The following NTM variants were observed in gnomAD, a reference collection of about 807,000 sequenced individuals.
NTM encodes neurotrimin, also known as IgLON family member 2.
A neutral mutation model predicts 42.1 loss-of-function variants in NTM; 13 were observed. The ratio of observed to expected loss-of-function variants is 0.31; its 90% CI spans 0.20 to 0.49. The LOEUF (loss-of-function observed/expected upper bound fraction) is 0.49. Ranked by LOEUF, NTM falls within the 20% of genes least tolerant of loss-of-function variation. The pLI is 0.99. For synonymous variants in NTM, 187 were observed against 179.2 expected (o/e 1.04, Z -0.35); for missense variants, 373 against 452.8 (o/e 0.82, Z 1.60).
At chr11:131,682,365 G>T (rs1387077112) in intron 1 of NTM, among the ~76,000 whole-genome samples, 1 of 152,212 alleles carries the variant, frequency 6.6e-6, no homozygotes, top group Non-Finnish European at 1.5e-5. Flanking sequence ...GCAGGCCACA[G>T]GGGGTGTTCT....
intron 5 of NTM, 126 bp downstream of exon 5, chr11:132,307,949 C>T: frequency 1.2e-6 from 1 of 805,222 alleles, no homozygotes; most frequent in Non-Finnish European, 1.9e-6. Flanking sequence ...GCACCACTTT[C>T]CACACTCTGC....
rs147018055 is a variant in NTM at position 132,163,898 on chromosome 11, T to G, written c.400+17384T>G. ...GTAAGCCCATGGTGTCTTTGTTTTT[T>G]TTTTTATTTTTACTCCTGGATGTTT... On this transcript the variant is annotated intron_variant, in intron 3 of 8. Transcript: ENST00000683400. Among the ~76,000 whole-genome samples, 582 of 152,302 alleles carry G rather than the reference T, an allele frequency of 3.8e-3. 4 individuals carry two copies. Among genetic ancestry groups the G allele is most frequent in the African/African-American group, 0.01 (433 of 41,570 alleles).
At chr11:131,828,976 C>A (rs1279926045) in intron 1 of NTM, among the ~76,000 whole-genome samples, 1 of 149,658 alleles carries the variant, frequency 6.7e-6, no homozygotes, top group East Asian at 1.9e-4. Flanking sequence ...ATCACTCTCC[C>A]TCTCTCTCTC....
Position 131,449,951 on chromosome 11 carries a change from G to A in NTM, c.82+79063G>A, listed in dbSNP as rs140076032. Reference sequence around the variant, plus strand: ...AGGCAATGTCCCCATGTTTACTCACGCACGCATTGGATTAGGAGACCTGGA... The same window carrying A: ...AGGCAATGTCCCCATGTTTACTCACACACGCATTGGATTAGGAGACCTGGA... On this transcript the variant is annotated intron_variant, in intron 1 of 8. Coordinates refer to ENST00000683400, the MANE Select transcript of NTM (RefSeq NM_001352005.2). Among the ~76,000 whole-genome samples, 53 of 152,228 alleles carry A rather than the reference G, an allele frequency of 3.5e-4. No homozygotes were observed. The East Asian group carries it at 7.7e-3, about 22-fold the overall frequency.
At chr11:131,992,992 TG>T (rs1339289990) in intron 2 of NTM, among the ~76,000 whole-genome samples, 6 of 152,186 alleles carry the variant, frequency 3.9e-5, no homozygotes, top group Non-Finnish European at 8.8e-5. Context: ...TCAGTACTTC[TG>T]GGGGTTTACC....
At chr11:132,203,841 G>A (rs1188497199) in intron 3 of NTM, among the ~76,000 whole-genome samples, 1 of 152,102 alleles carries the variant, frequency 6.6e-6, no homozygotes, top group African/African-American at 2.4e-5. Flanking sequence ...GGAGCTTGCA[G>A]TGAGCCTAGA....
chr11:131,541,736 T>A (rs1182192555), intron 1 of NTM, among the ~76,000 whole-genome samples: 3 of 152,226 alleles, frequency 2.0e-5, no homozygotes, highest in African/African-American at 7.2e-5. Context: ...ACAATAGCCA[T>A]CTAAGGAGTT....
Position 132,039,390 on chromosome 11 carries a change from GTC to G in NTM, c.168-106890_168-106889del, listed in dbSNP as rs1232789691. On this transcript the variant is annotated intron_variant, in intron 2 of 8. Coordinates refer to ENST00000683400, the MANE Select transcript of NTM (RefSeq NM_001352005.2). ...ATGTTTGTCAAAGATCTCAGCCTGA[GTC>G]TGTGCTAGGAAGGCCCCTCATAATT... is the stretch of plus-strand genomic sequence containing the variant. Among the ~76,000 whole-genome samples, 3 of 150,510 alleles carry G rather than the reference GTC, an allele frequency of 2.0e-5. No individual in the cohort carries two copies. In the South Asian group the frequency reaches 6.4e-4, roughly 32 times the overall value.
In NTM at chr11:131,690,788, T is replaced by G. The variant is rs143032512; in HGVS notation, c.83-220776T>G. Among the ~76,000 whole-genome samples the G allele has an allele frequency of 1.7e-3, 264 of 152,220 alleles. 4 individuals are homozygous for G. Among genetic ancestry groups the G allele is most frequent in the African/African-American group, 6.1e-3 (254 of 41,556 alleles). ...AATGGGAGGATTCCTCCTTACAGTTTGGGATCATGGAGCAGAGCCAGCCTG... is the reference window on the plus strand; with the variant it reads ...AATGGGAGGATTCCTCCTTACAGTTGGGGATCATGGAGCAGAGCCAGCCTG... On this transcript the variant is annotated intron_variant, in intron 1 of 8. Coordinates refer to ENST00000683400, the MANE Select transcript of NTM (RefSeq NM_001352005.2).
rs925554985 is a variant in NTM at position 132,146,405 on chromosome 11, G to GT, written c.292dup (p.Tyr98LeufsTer12). 6.2e-7 allele frequency: 1 copy of GT among 1,614,060 alleles called. No individual in the cohort carries two copies. The highest frequency in any genetic ancestry group is 8.5e-7 in the Non-Finnish European group (1 of 1,180,046). ...TCCTTCTGAGCAACACCCAAACGCA[G>GT]TACAGCATCGAGATCCAGAACGTGG... is the stretch of plus-strand genomic sequence containing the variant. On this transcript the variant is annotated frameshift_variant, in exon 3 of 9. Coordinates refer to ENST00000683400, the MANE Select transcript of NTM (RefSeq NM_001352005.2). LOFTEE classifies it high-confidence loss of function. The surrounding 1 kb of genome is among the most constrained non-coding windows in gnomAD (Gnocchi z 4.5).
At chr11:131,841,061 A>C (rs2044173054) in intron 1 of NTM, among the ~76,000 whole-genome samples, 2 of 152,246 alleles carry the variant, frequency 1.3e-5, no homozygotes, top group African/African-American at 4.8e-5. Flanking sequence ...TGGTCAGTTA[A>C]ATAGATTTAG....
At chr11:131,881,223 C>A (rs1439802678) in intron 1 of NTM, among the ~76,000 whole-genome samples, 1 of 152,146 alleles carries the variant, frequency 6.6e-6, no homozygotes, top group African/African-American at 2.4e-5. Context: ...CCCTCATTCA[C>A]ACGCGTTGAG....
intron 1 of NTM, chr11:131,534,184 A>G (rs2051755203): frequency 6.6e-6 from 1 of 152,244 alleles, no homozygotes; most frequent in Non-Finnish European, 1.5e-5. Context: ...TCCCTGAATA[A>G]TAAGTGAACT....
intron 1 of NTM, among the ~76,000 whole-genome samples, chr11:131,789,497 GAA>G (rs2090115385): frequency 2.9e-4 from 1 of 3,466 alleles, no homozygotes; most frequent in East Asian, 6.8e-3. Flanking sequence ...GAAGAGGAAA[GAA>G]GAAGAAGAAG....
At chr11:131,853,935 T>C (rs1158002934) in intron 1 of NTM, among the ~76,000 whole-genome samples, 1 of 152,248 alleles carries the variant, frequency 6.6e-6, no homozygotes, top group African/African-American at 2.4e-5. Context: ...TATACACTCC[T>C]ATTTTGAATA....
chr11:131,534,895 A>T (rs2051905662), intron 1 of NTM: 1 of 152,238 alleles, frequency 6.6e-6, no homozygotes, highest in Non-Finnish European at 1.5e-5. Context: ...TCCCTGCACA[A>T]TCATGCAGCA....
chr11:131,756,007 A>G (rs2083283230), intron 1 of NTM, among the ~76,000 whole-genome samples: 1 of 152,204 alleles, frequency 6.6e-6, no homozygotes, highest in South Asian at 2.1e-4. Flanking sequence ...TCTGGAAACA[A>G]TTTAAAATTG....
chr11:131,875,276 C>T (rs562719337), intron 1 of NTM, among the ~76,000 whole-genome samples: 2 of 152,330 alleles, frequency 1.3e-5, no homozygotes, highest in Non-Finnish European at 2.9e-5. Context: ...TTTCCCTACA[C>T]TTTAAAAGAA....
intron 1 of NTM, among the ~76,000 whole-genome samples, chr11:131,637,228 G>A (rs922588949): frequency 5.9e-5 from 9 of 151,922 alleles, no homozygotes. Context: ...GGCTGGCTAT[G>A]GTGAATGTGG....
Sources: allele counts gnomAD v4.1 joint callset (sites outside exome capture counted in the v4.1 genomes callset), GRCh38; gene constraint gnomAD v4.1.1; non-coding constraint Gnocchi (gnomAD v3.1); transcripts MANE v1.5; gene names NCBI Gene and HGNC (gene_info 2026-07-23, HGNC 2026-07-21).